Variants in NALF1 observed in about 807,000 individuals in gnomAD.
NALF1 encodes family with sequence similarity 155 member A.
A neutral mutation model predicts 48.4 loss-of-function variants in NALF1; 3 were observed. The ratio of observed to expected loss-of-function variants is 0.06; its 90% confidence interval spans 0.03 to 0.16. NALF1 has a LOEUF of 0.16. NALF1 is among the 10% of genes least tolerant of loss of function. NALF1 has a pLI of 1.00. For synonymous variants in NALF1, 262 were observed against 245.7 expected (o/e 1.07, Z -0.62); for missense variants, 526 against 571.5 (o/e 0.92, Z 0.81).
intron 1 of NALF1, among the ~76,000 whole-genome samples, chr13:107,818,655 G>T (rs941201465): frequency 1.4e-5 from 2 of 143,918 alleles, no homozygotes; most frequent in Non-Finnish European, 3.0e-5. Flanking sequence ...GGCGGATCAC[G>T]AGGTCAGGAG....
intron 1 of NALF1, among the ~76,000 whole-genome samples, chr13:107,271,929 A>G (rs1458825752): frequency 6.6e-6 from 1 of 150,956 alleles, no homozygotes; most frequent in Non-Finnish European, 1.5e-5. Flanking sequence ...TGAGCACATA[A>G]CTCTCTATAT....
At chr13:107,253,316 C>T (rs1303512735) in intron 1 of NALF1, among the ~76,000 whole-genome samples, 1 of 152,010 alleles carries the variant, frequency 6.6e-6, no homozygotes, top group African/African-American at 2.4e-5. Context: ...GCTAGATGGC[C>T]AGGAGGTCTT....
chr13:107,861,698 C>T (rs914228633), intron 1 of NALF1, among the ~76,000 whole-genome samples: 22 of 152,306 alleles, frequency 1.4e-4, no homozygotes, highest in African/African-American at 4.8e-4. Context: ...GCAGGAGAAT[C>T]GCTTGAACCC....
At chr13:107,506,459 T>C (rs939035013) in intron 1 of NALF1, among the ~76,000 whole-genome samples, 3 of 152,260 alleles carry the variant, frequency 2.0e-5, no homozygotes, top group African/African-American at 7.2e-5. Context: ...ATTCAAAGGT[T>C]TATAGTGTAA....
At chr13:107,346,229 A>C (rs1483283578) in intron 1 of NALF1, among the ~76,000 whole-genome samples, 2 of 152,274 alleles carry the variant, frequency 1.3e-5, no homozygotes, top group East Asian at 1.9e-4. Context: ...AAGGCCCTCA[A>C]AATTAAAGAT....
chr13:107,576,552 G>A (rs190809682), intron 1 of NALF1, among the ~76,000 whole-genome samples: 3 of 152,162 alleles, frequency 2.0e-5, no homozygotes, highest in African/African-American at 4.8e-5. Flanking sequence ...TACCACTCTT[G>A]TGATAGGCTA....
chr13:107,467,775 C>T (rs529045168), intron 1 of NALF1, among the ~76,000 whole-genome samples: 17 of 152,164 alleles, frequency 1.1e-4, no homozygotes, highest in East Asian at 7.7e-4. Flanking sequence ...GTGCGGTGGC[C>T]CACGCCTGTA....
At chr13:107,171,538 A>C (rs563927121) in intron 2 of NALF1, among the ~76,000 whole-genome samples, 1 of 151,794 alleles carries the variant, frequency 6.6e-6, no homozygotes, top group East Asian at 1.9e-4. Context: ...TTCTCTCTTC[A>C]CTTTCTTCCT....
intron 1 of NALF1, among the ~76,000 whole-genome samples, chr13:107,821,031 G>A (rs1390755241): frequency 2.0e-5 from 3 of 152,102 alleles, no homozygotes; most frequent in Non-Finnish European, 2.9e-5. Flanking sequence ...CATAATATGC[G>A]CATGTGCATC....
At chr13:107,579,503 G>A (rs1878241059) in intron 1 of NALF1, among the ~76,000 whole-genome samples, 1 of 152,188 alleles carries the variant, frequency 6.6e-6, no homozygotes, top group Non-Finnish European at 1.5e-5. Flanking sequence ...TCTCTGTTGT[G>A]AGAATCCAGG....
chr13:107,558,255 C>T (rs1877539715), intron 1 of NALF1, among the ~76,000 whole-genome samples: 1 of 151,748 alleles, frequency 6.6e-6, no homozygotes, highest in Non-Finnish European at 1.5e-5. Context: ...TTTGTGTTAC[C>T]AATTATTTTA....
chr13:107,350,273 T>G (rs1316221237), intron 1 of NALF1, among the ~76,000 whole-genome samples: 1 of 152,016 alleles, frequency 6.6e-6, no homozygotes, highest in African/African-American at 2.4e-5. Flanking sequence ...TGTATTTTCA[T>G]AAACTTAATT....
chr13:107,531,473 A>T (rs1876637345), intron 1 of NALF1, among the ~76,000 whole-genome samples: 1 of 152,110 alleles, frequency 6.6e-6, no homozygotes, highest in Admixed American at 6.6e-5. Context: ...TGGGTCCTAT[A>T]AAGCCTGAAG....
intron 1 of NALF1, among the ~76,000 whole-genome samples, chr13:107,849,747 G>A (rs181325204): frequency 7.9e-5 from 12 of 152,198 alleles, no homozygotes; most frequent in African/African-American, 2.4e-4. Context: ...ACTGTGTTTC[G>A]TAACCACCCA....
chr13:107,389,029 G>A (rs1883577301), intron 1 of NALF1, among the ~76,000 whole-genome samples: 1 of 152,200 alleles, frequency 6.6e-6, no homozygotes, highest in African/African-American at 2.4e-5. Context: ...GGATAAAATA[G>A]TCGCCGCACT....
intron 1 of NALF1, among the ~76,000 whole-genome samples, chr13:107,222,262 T>G (rs1253077253): frequency 6.6e-6 from 1 of 152,184 alleles, no homozygotes; most frequent in Non-Finnish European, 1.5e-5. Flanking sequence ...GGCTTACTAT[T>G]CCCCATAGAA....
Position 107,407,177 on chromosome 13 carries a change from T to C in NALF1, c.916-196422A>G, listed in dbSNP as rs61965866. On this transcript the variant is annotated intron_variant, in intron 1 of 2. Coordinates refer to ENST00000375915, the MANE Select transcript of NALF1 (RefSeq NM_001080396.3). ...ACTAAGAAACTTCTAAAAGAGAACA[T>C]TGGGGAAACTCTTCAAGACACTGAG... Among the ~76,000 whole-genome samples, 209 of 152,162 alleles carry C rather than the reference T, an allele frequency of 1.4e-3. 1 individual carries two copies. The highest frequency in any genetic ancestry group is 1.8e-3 in the Non-Finnish European group (125 of 67,982).
intron 1 of NALF1, among the ~76,000 whole-genome samples, chr13:107,648,327 T>C (rs1438071284): frequency 6.6e-6 from 1 of 152,160 alleles, no homozygotes; most frequent in Non-Finnish European, 1.5e-5. Flanking sequence ...TCCTTTGTGC[T>C]CCACCTGTCA....
chr13:107,593,171 T>C (rs907738280), intron 1 of NALF1, among the ~76,000 whole-genome samples: 2 of 151,886 alleles, frequency 1.3e-5, no homozygotes, highest in African/African-American at 2.4e-5. Flanking sequence ...ACACTTTCAA[T>C]ACACTTAGGA....
Sources: allele counts gnomAD v4.1 joint callset (sites outside exome capture counted in the v4.1 genomes callset), GRCh38; gene constraint gnomAD v4.1.1; transcripts MANE v1.5; gene names NCBI Gene and HGNC (gene_info 2026-07-23, HGNC 2026-07-21).